GPR155: variants seen among roughly 807,000 people sequenced by gnomAD.
The protein encoded by GPR155 is lysosomal cholesterol signaling protein.
GPR155 carries 65 observed loss-of-function variants against 93.1 expected under a neutral mutation model. That is an observed-to-expected ratio of 0.70 (90% confidence interval 0.57 to 0.86). The LOEUF (loss-of-function observed/expected upper bound fraction) is 0.86, where lower values mean the gene tolerates loss of function less well. GPR155 is among the 40% of genes least tolerant of loss of function. GPR155 has a pLI of 0.00. For missense variants in GPR155, 838 were observed against 1,034.8 expected (o/e 0.81, Z 2.61); for synonymous variants, 319 against 360.1 (o/e 0.89, Z 1.29).
chr2:174,454,013 A>G (rs986555453), intron 10 of GPR155, among the ~76,000 whole-genome samples, 172 bp from the exon 11 acceptor site: 1 of 152,204 alleles, frequency 6.6e-6, no homozygotes, highest in Non-Finnish European at 1.5e-5. Flanking sequence ...TCACTCATAT[A>G]CAAAATAAAA....
intron 11 of GPR155, among the ~76,000 whole-genome samples, chr2:174,449,272 C>A (rs2105685718): frequency 6.6e-6 from 1 of 152,200 alleles, no homozygotes; most frequent in East Asian, 1.9e-4. Flanking sequence ...TGCTTTATAC[C>A]ATTGGTGGGA....
rs1172707032 is a variant in GPR155 at position 174,446,736 on chromosome 2, C to T, written c.1888G>A (p.Val630Met). 3.7e-6 allele frequency: 6 copies of T among 1,613,852 alleles called. No homozygotes were observed. The highest frequency in any genetic ancestry group is 5.1e-6 in the Non-Finnish European group (6 of 1,179,860). Residue 630 changes from valine to methionine, a missense_variant, in exon 12 of 16, where the codon GTG (valine) becomes ATG (methionine). By Grantham distance (21) the Val-to-Met change is conservative (BLOSUM62 1). Around this residue, in one of 3 missense-constraint regions of GPR155, gnomAD observed 663 missense variants for 790.1 expected, o/e 0.84. Transcript: ENST00000392552. Reference sequence around the variant, plus strand: ...CAGCTCTGGGAGTTACAGCGACTCACACAATGATTGTCTATAAAAGAGTAA... The same window carrying T: ...CAGCTCTGGGAGTTACAGCGACTCATACAATGATTGTCTATAAAAGAGTAA... Reference protein sequence around the residue: ...IPSFEKNNHCVSRCNSQSCIL... With the variant: ...IPSFEKNNHCMSRCNSQSCIL...
chr2:174,468,854 G>C, intron 5 of GPR155, 58 bp downstream of exon 5: 1 of 1,408,532 alleles, frequency 7.1e-7, no homozygotes, highest in South Asian at 1.2e-5. Flanking sequence ...TCTGTTAACA[G>C]TCTATTCTCA....
rs1245230852 is a variant in GPR155, at chr2:174,481,825, T to C, written c.132A>G (p.Pro44=). The C allele has an allele frequency of 2.5e-6, 4 of 1,614,084 alleles. No individual in the cohort carries two copies. In the African/African-American group the frequency reaches 4.0e-5, roughly 16 times the overall value. The change falls in exon 2 of 16, where the codon CCA becomes CCG. Residue 44 remains proline (P), a synonymous_variant. Transcript: ENST00000392552. Reference sequence around the variant, plus strand: ...CAATGCCAAAGCATTCCAGTAAGGCTGGAAAAAGCCTTGTAATTGACATTG... The same window carrying C: ...CAATGCCAAAGCATTCCAGTAAGGCCGGAAAAAGCCTTGTAATTGACATTG... ...PPSMSITRLF[P]ALLECFGIVL...
intron 10 of GPR155, among the ~76,000 whole-genome samples, chr2:174,458,855 A>C (rs1392004256): frequency 1.3e-5 from 2 of 152,154 alleles, no homozygotes; most frequent in Non-Finnish European, 2.9e-5. Flanking sequence ...TGGGAGGCCG[A>C]GGCGGGTGGA....
chr2:174,462,715 A>C (rs1412075724), intron 7 of GPR155, among the ~76,000 whole-genome samples: 1 of 152,264 alleles, frequency 6.6e-6, no homozygotes, highest in Non-Finnish European at 1.5e-5. Context: ...TGTTTTTAGA[A>C]AACGCCCTAA....
chr2:174,483,213 T>G (rs1688379900), intron 1 of GPR155: 2 of 87,792 alleles, frequency 2.3e-5, no homozygotes, highest in Non-Finnish European at 2.8e-5. Flanking sequence ...CTATAATTAC[T>G]TATACTTAAA....
chr2:174,486,546 A>T (rs1362069426), intron 1 of GPR155, among the ~76,000 whole-genome samples: 1 of 152,092 alleles, frequency 6.6e-6, no homozygotes, highest in East Asian at 1.9e-4. Flanking sequence ...TACTGAGGGT[A>T]CCCTCGGGAT....
chr2:174,445,755 G>A (rs1349808304), intron 12 of GPR155, among the ~76,000 whole-genome samples: 1 of 152,100 alleles, frequency 6.6e-6, no homozygotes, highest in Non-Finnish European at 1.5e-5. Context: ...AATGCATGTA[G>A]TCTAAAAATA....
intron 2 of GPR155, among the ~76,000 whole-genome samples, chr2:174,477,330 C>G (rs1233908521): frequency 2.6e-5 from 4 of 152,036 alleles, no homozygotes; most frequent in Non-Finnish European, 1.5e-5. Flanking sequence ...AAAATCTATT[C>G]TCAGCAATTT....
At position 174,446,617 on chromosome 2, in the gene GPR155, C is replaced by G. The variant is rs200358308; in HGVS notation, c.2007G>C (p.Leu669=). 27 of 1,609,246 alleles carry G rather than the reference C, an allele frequency of 1.7e-5. No individual in the cohort carries two copies. Among genetic ancestry groups the G allele is most frequent in the South Asian group, 5.5e-5 (5 of 90,146 alleles). Reference sequence around the variant, plus strand: ...AACCAGAAAAAACCATTACAGCGAACAGGCCAATGATGAGAAGTAAACACA... The same window carrying G: ...AACCAGAAAAAACCATTACAGCGAAGAGGCCAATGATGAGAAGTAAACACA... ...VLLCLLLIIG[L]FANLSSCLWW... The change falls in exon 12 of 16, where the codon CTG becomes CTC. Residue 669 remains leucine, a synonymous_variant. Coordinates refer to ENST00000392552, the MANE Select transcript of GPR155 (RefSeq NM_152529.7).
At position 174,469,099 on chromosome 2, in the gene GPR155, A is replaced by G. The variant is rs367799735; in HGVS notation, c.1027-32T>C. 3.1e-6 allele frequency: 5 copies of G among 1,598,344 alleles called. No individual in the cohort carries two copies. In the African/African-American group the frequency reaches 6.7e-5, roughly 21 times the overall value. ...AAATGAAATCAAACAGAGGAGTTAC[A>G]ATCTCAATTAAACAGTATTTTAAAC... On this transcript the variant is annotated intron_variant, in intron 4 of 15. Coordinates refer to ENST00000392552, the MANE Select transcript of GPR155 (RefSeq NM_152529.7).
At chr2:174,439,624 T>C (rs1208303428) in intron 15 of GPR155, among the ~76,000 whole-genome samples, 3 of 152,180 alleles carry the variant, frequency 2.0e-5, no homozygotes, top group African/African-American at 7.2e-5. Context: ...TTCTATGACA[T>C]TTTGGTTCAC....
intron 15 of GPR155, among the ~76,000 whole-genome samples, chr2:174,439,182 C>T (rs1686879197): frequency 1.3e-5 from 2 of 151,644 alleles, no homozygotes; most frequent in African/African-American, 2.4e-5. Context: ...AATTATCCTC[C>T]ATATGAATTT....
chr2:174,479,386 C>G (rs1688257312), intron 2 of GPR155, among the ~76,000 whole-genome samples: 1 of 152,144 alleles, frequency 6.6e-6, no homozygotes, highest in East Asian at 1.9e-4. Context: ...ATTGAACTGG[C>G]ACATTATGTA....
intron 3 of GPR155, among the ~76,000 whole-genome samples, chr2:174,472,173 AGATG>A (rs1233124427): frequency 6.6e-6 from 1 of 152,200 alleles, no homozygotes; most frequent in African/African-American, 2.4e-5. Flanking sequence ...TGGGAGGCCG[AGATG>A]GATGGATCAC....
At position 174,461,449 on chromosome 2, in the gene GPR155, G is replaced by T. The variant is rs1687691703; in HGVS notation, c.1513C>A (p.His505Asn). The change falls in exon 9 of 16, where the codon CAC becomes AAC. Residue 505 changes from histidine to asparagine, a missense_variant. Transcript: ENST00000392552. ...LVGVLLITGK[H>N]NGDSIDSAFF... ...GCTGAGTCAATGCTATCTCCATTGT[G>T]TTTTCCAGTTATCAAAAGAACACCA... The T allele has an allele frequency of 5.6e-6, 9 of 1,613,478 alleles. No homozygotes were observed. Among genetic ancestry groups the T allele is most frequent in the Non-Finnish European group, 7.6e-6 (9 of 1,179,542 alleles).
chr2:174,475,287 T>C (rs1688128571), intron 2 of GPR155, among the ~76,000 whole-genome samples: 1 of 74,784 alleles, frequency 1.3e-5, no homozygotes, highest in African/African-American at 6.2e-5. Context: ...AGAGCGAGAC[T>C]CCGTCTCAAA....
At chr2:174,441,422 T>A (rs529319298) in intron 14 of GPR155, among the ~76,000 whole-genome samples, 61 of 151,292 alleles carry the variant, frequency 4.0e-4, no homozygotes, top group South Asian at 1.9e-3. Flanking sequence ...ATTTAAAAAA[T>A]TTTTTTTAAT....
Sources: gnomAD v4.1 joint callset for allele counts (sites outside exome capture counted in the v4.1 genomes callset) on GRCh38, gnomAD v4.1.1 for gene constraint, gnomAD v4.1.1 regional missense constraint, MANE v1.5 for transcripts, NCBI Gene and HGNC (gene_info 2026-07-23, HGNC 2026-07-21) for gene names.